Variants in LYPD6B observed in about 807,000 individuals in gnomAD.
LYPD6B encodes the protein ly6/PLAUR domain-containing protein 6B.
Under a neutral mutation model 22.8 loss-of-function variants are expected in LYPD6B, and 17 were observed. The observed-to-expected ratio is 0.75, with a 90% CI of 0.51 to 1.12. The LOEUF is 1.12. Among genes scored for constraint, LYPD6B ranks in the 50% most tolerant of loss-of-function variants. The pLI is 0.00. For synonymous variants in LYPD6B, 106 were observed against 91.6 expected, an observed-to-expected ratio of 1.16 and a Z score of -0.90; for missense variants, 221 against 258.3, an observed-to-expected ratio of 0.86 and a Z score of 0.99.
chr2:149,158,793 A>G (rs1275653453), intron 2 of LYPD6B, among the ~76,000 whole-genome samples: 1 of 152,200 alleles, frequency 6.6e-6, no homozygotes, highest in East Asian at 1.9e-4. Flanking sequence ...TGTATTCCTT[A>G]GACATATATT....
At chr2:149,196,203 C>T (rs1466830700) in intron 3 of LYPD6B, among the ~76,000 whole-genome samples, 1 of 152,148 alleles carries the variant, frequency 6.6e-6, no homozygotes, top group Admixed American at 6.5e-5. Flanking sequence ...GAGCAAGTGA[C>T]ACGCTGTAAC....
intron 3 of LYPD6B, among the ~76,000 whole-genome samples, chr2:149,169,024 T>C (rs965254571): frequency 6.6e-6 from 1 of 152,202 alleles, no homozygotes; most frequent in African/African-American, 2.4e-5. Context: ...TAGTGCTTCA[T>C]TTGTAATTAA....
chr2:149,092,132 G>A (rs1030411138), intron 1 of LYPD6B, among the ~76,000 whole-genome samples: 3 of 151,972 alleles, frequency 2.0e-5, no homozygotes, highest in Non-Finnish European at 2.9e-5. Context: ...GTGTCAGGGC[G>A]GAGAGTGAGA....
At chr2:149,148,749 G>T (rs958744735) in intron 2 of LYPD6B, among the ~76,000 whole-genome samples, 3 of 152,182 alleles carry the variant, frequency 2.0e-5, no homozygotes, top group African/African-American at 7.2e-5. Context: ...TAGATTGCCA[G>T]TTTGCCTCCT....
intron 3 of LYPD6B, among the ~76,000 whole-genome samples, chr2:149,188,131 C>T (rs572152563): frequency 2.1e-4 from 32 of 152,114 alleles, no homozygotes; most frequent in Non-Finnish European, 4.7e-4. Flanking sequence ...TTCTTTTGCT[C>T]ACCTGTATGG....
chr2:149,187,517 G>A, intron 3 of LYPD6B: 1 of 1,492,624 alleles, frequency 6.7e-7, no homozygotes, highest in African/African-American at 1.4e-5. Flanking sequence ...ATATTGGAAA[G>A]TAAGATTCCC....
chr2:149,193,435 AAT>A, intron 3 of LYPD6B, among the ~76,000 whole-genome samples: 1 of 152,150 alleles, frequency 6.6e-6, no homozygotes, highest in Non-Finnish European at 1.5e-5. Flanking sequence ...ATGAGATCTC[AAT>A]GTGTGTTTCC....
intron 1 of LYPD6B, among the ~76,000 whole-genome samples, chr2:149,111,254 G>GT (rs897303849): frequency 6.6e-6 from 1 of 152,150 alleles, no homozygotes; most frequent in African/African-American, 2.4e-5. Context: ...TTTGAGAAAA[G>GT]TAATGGCATG....
chr2:149,198,108 C>A (rs1335152398), intron 3 of LYPD6B, among the ~76,000 whole-genome samples: 1 of 151,384 alleles, frequency 6.6e-6, no homozygotes, highest in African/African-American at 2.4e-5. Context: ...AGTGGCATGA[C>A]CTCGGCTCAC....
intron 1 of LYPD6B, among the ~76,000 whole-genome samples, chr2:149,040,689 A>G (rs1683038412): frequency 6.6e-6 from 1 of 152,198 alleles, no homozygotes; most frequent in African/African-American, 2.4e-5. Flanking sequence ...ATTCCCAATG[A>G]GAAGTCTGAC....
At chr2:149,061,789 T>C (rs1684095348) in intron 1 of LYPD6B, among the ~76,000 whole-genome samples, 1 of 152,200 alleles carries the variant, frequency 6.6e-6, no homozygotes, top group Non-Finnish European at 1.5e-5. Flanking sequence ...TTATAGGGTA[T>C]ACTTTTCTAT....
chr2:149,127,538 G>A (rs1687772872), intron 1 of LYPD6B, among the ~76,000 whole-genome samples: 1 of 152,196 alleles, frequency 6.6e-6, no homozygotes, highest in Non-Finnish European at 1.5e-5. Flanking sequence ...CCTGACTTCT[G>A]TGTGTGCTTT....
At chr2:149,154,124 C>A in intron 2 of LYPD6B, 1 of 660,322 alleles carries the variant, frequency 1.5e-6, no homozygotes, top group Non-Finnish European at 1.9e-6. Flanking sequence ...CCCCATCCCC[C>A]CACCCCCCAA....
intron 3 of LYPD6B, among the ~76,000 whole-genome samples, chr2:149,175,057 C>CTGTGTGTG (rs1480516583): frequency 1.0e-3 from 129 of 127,462 alleles, no homozygotes; most frequent in African/African-American, 3.5e-3. Flanking sequence ...CTCTCTCTCT[C>CTGTGTGTG]TCTCTGTGTG....
chr2:149,071,716 G>T (rs866585442), intron 1 of LYPD6B, among the ~76,000 whole-genome samples: 7 of 152,142 alleles, frequency 4.6e-5, no homozygotes, highest in African/African-American at 1.7e-4. Context: ...AGGCGCTTTT[G>T]GTTAGTGTGA....
intron 1 of LYPD6B, among the ~76,000 whole-genome samples, chr2:149,051,493 T>G (rs1274955442): frequency 6.6e-6 from 1 of 152,168 alleles, no homozygotes; most frequent in Non-Finnish European, 1.5e-5. Context: ...GTATTTTGTA[T>G]TTAATCATGA....
intron 3 of LYPD6B, among the ~76,000 whole-genome samples, chr2:149,166,179 A>G (rs979445788): frequency 2.0e-5 from 3 of 152,140 alleles, no homozygotes; most frequent in Non-Finnish European, 4.4e-5. Context: ...AAAGAAAAAA[A>G]TGTTGTGTTT....
chr2:149,177,835 G>GTTTTTTT (rs35470511), intron 3 of LYPD6B, among the ~76,000 whole-genome samples: 1 of 131,862 alleles, frequency 7.6e-6, no homozygotes, highest in African/African-American at 2.8e-5. Context: ...TTCTGCAAGA[G>GTTTTTTT]TTTTTTTTTT....
intron 1 of LYPD6B, among the ~76,000 whole-genome samples, chr2:149,060,038 AG>A: frequency 6.6e-6 from 1 of 151,656 alleles, no homozygotes; most frequent in Non-Finnish European, 1.5e-5. Context: ...GAGGAGGAGG[AG>A]GGGGCAGGAG....
Sources: gnomAD v4.1 joint callset for allele counts (sites outside exome capture counted in the v4.1 genomes callset) on GRCh38, gnomAD v4.1.1 for gene constraint, MANE v1.5 for transcripts, NCBI Gene and HGNC (gene_info 2026-07-23, HGNC 2026-07-21) for gene names.